The following AFG2B variants were observed in gnomAD, a reference collection of about 807,000 sequenced individuals.
AFG2B encodes AAA ATPase AFG2B.
chr15:45,414,810 T>C, the AFG2B span: 1 of 1,568,830 alleles, frequency 6.4e-7, no homozygotes. Flanking sequence ...TGTTTAAATT[T>C]ACTTTTGAAT....
At chr15:45,408,351 C>T in the AFG2B span, among the ~76,000 whole-genome samples, 2 of 152,084 alleles carry the variant, frequency 1.3e-5, no homozygotes, top group African/African-American at 2.4e-5. Flanking sequence ...TCCTTGCTCC[C>T]TCTCCTCTTC....
the AFG2B span, chr15:45,407,263 G>T: frequency 6.8e-6 from 8 of 1,178,546 alleles, no homozygotes; most frequent in African/African-American, 1.6e-5. Flanking sequence ...CACCAGCTGA[G>T]GGGCTGCTGC....
chr15:45,409,707 AT>A, the AFG2B span, among the ~76,000 whole-genome samples: 96 of 150,842 alleles, frequency 6.4e-4, 1 homozygote, highest in Admixed American at 8.6e-4. Context: ...CAAAAAAAAA[AT>A]ATATATATTT....
At chr15:45,415,922 A>C in the AFG2B span, 3 of 813,976 alleles carry the variant, frequency 3.7e-6, no homozygotes, top group Non-Finnish European at 3.6e-6. Context: ...ATATAATTTC[A>C]GTTTGACTTT....
chr15:45,419,929 G>A, the AFG2B span, among the ~76,000 whole-genome samples: 13 of 145,190 alleles, frequency 9.0e-5, no homozygotes, highest in African/African-American at 3.0e-4. Context: ...GGTCAAGGCT[G>A]TAGTGAGCCA....
the AFG2B span, chr15:45,403,000 C>A: frequency 6.3e-7 from 1 of 1,589,150 alleles, no homozygotes; most frequent in Non-Finnish European, 8.5e-7. Context: ...CGGGGAGCCT[C>A]CGTCGGAAGC....
chr15:45,417,293 G>C, the AFG2B span: 1 of 1,613,870 alleles, frequency 6.2e-7, no homozygotes, highest in Non-Finnish European at 8.5e-7. Context: ...TTTAACCGAA[G>C]TGTCATGATT....
the AFG2B span, among the ~76,000 whole-genome samples, chr15:45,407,951 C>T: frequency 6.6e-6 from 1 of 152,012 alleles, no homozygotes; most frequent in African/African-American, 2.4e-5. Flanking sequence ...ATAACATAAA[C>T]CTTAATAGCC....
chr15:45,405,835 T>C, the AFG2B span, among the ~76,000 whole-genome samples: 6 of 152,078 alleles, frequency 3.9e-5, no homozygotes, highest in African/African-American at 1.4e-4. Flanking sequence ...TTTGAGGCAA[T>C]TTCAGACTTA....
At chr15:45,414,091 G>A in the AFG2B span, among the ~76,000 whole-genome samples, 6 of 152,164 alleles carry the variant, frequency 3.9e-5, no homozygotes, top group Non-Finnish European at 5.9e-5. Flanking sequence ...TGCTTTAAAA[G>A]TAAAGGATGG....
chr15:45,402,675 G>T, the AFG2B span: 1 of 1,576,454 alleles, frequency 6.3e-7, no homozygotes, highest in East Asian at 2.3e-5. Flanking sequence ...CGAGCCCCGG[G>T]GCGGCGGTCG....
At chr15:45,421,402 C>T in the AFG2B span, 1 of 366,918 alleles carries the variant, frequency 2.7e-6, no homozygotes, top group Non-Finnish European at 4.8e-6. Context: ...AAATAAAATA[C>T]TGTAATTTAG....
At chr15:45,410,473 G>A in the AFG2B span, 5 of 1,612,928 alleles carry the variant, frequency 3.1e-6, no homozygotes, top group African/African-American at 1.3e-5. Context: ...TGGATATCAA[G>A]CCTGTTGACT....
chr15:45,403,260 G>A, the AFG2B span: 2 of 1,586,964 alleles, frequency 1.3e-6, no homozygotes, highest in Admixed American at 3.5e-5. Context: ...GGCCTGGGGA[G>A]ACCGAGGAGA....
the AFG2B span, chr15:45,403,088 TC>T: frequency 2.6e-6 from 4 of 1,525,758 alleles, no homozygotes; most frequent in Non-Finnish European, 3.5e-6. Context: ...CGCCTCCCGC[TC>T]CGCTACCCGC....
chr15:45,417,510 G>T, the AFG2B span: 4 of 1,151,296 alleles, frequency 3.5e-6, no homozygotes, highest in Non-Finnish European at 4.8e-6. Flanking sequence ...TTCCTTGCCT[G>T]GTGGCCTTTC....
chr15:45,415,495 CAA>C, the AFG2B span: 8,036 of 825,208 alleles, frequency 9.7e-3, no homozygotes, highest in South Asian at 0.01. Context: ...AAGACTGTCT[CAA>C]AAAAAAAAAA....
At chr15:45,409,204 C>T in the AFG2B span, among the ~76,000 whole-genome samples, 35 of 151,782 alleles carry the variant, frequency 2.3e-4, no homozygotes, top group Non-Finnish European at 4.7e-4. Context: ...GGGGAAACCC[C>T]GTCTCTGCTA....
the AFG2B span, chr15:45,403,660 C>T: frequency 1.3e-5 from 13 of 999,646 alleles, no homozygotes; most frequent in Non-Finnish European, 1.7e-5. Flanking sequence ...GCAGAGAACA[C>T]GTTCTCTGCC....
Sources: gnomAD v4.1 joint callset for allele counts (sites outside exome capture counted in the v4.1 genomes callset) on GRCh38, gnomAD v4.1.1 for gene constraint, MANE v1.5 for transcripts, NCBI Gene and HGNC (gene_info 2026-07-23, HGNC 2026-07-21) for gene names.